The following EYS variants were observed in gnomAD, a reference collection of about 807,000 sequenced individuals.
EYS encodes protein eyes shut homolog.
Under a neutral mutation model 282.1 loss-of-function variants are expected in EYS, and 250 were observed. The observed-to-expected ratio is 0.89, with a 90% CI of 0.80 to 0.98. The LOEUF (loss-of-function observed/expected upper bound fraction) is 0.98. EYS is among the 50% of genes least tolerant of loss of function. The pLI, the probability that EYS is intolerant of heterozygous loss-of-function variation, is 0.00. For synonymous variants in EYS, 1,355 were observed against 1,282.9 expected, an observed-to-expected ratio of 1.06 and a Z score of -1.20; for missense variants, 4,016 against 3,709.0, an observed-to-expected ratio of 1.08 and a Z score of -2.15.
At chr6:63,821,909 C>G (rs1174729466) in intron 36 of EYS, 1 of 152,206 alleles carries the variant, frequency 6.6e-6, no homozygotes, top group East Asian at 1.9e-4. Flanking sequence ...TGACTGAATG[C>G]CAAACCCAGA....
At chr6:63,843,715 C>G (rs762560519) in intron 36 of EYS, among the ~76,000 whole-genome samples, 1 of 152,126 alleles carries the variant, frequency 6.6e-6, no homozygotes, top group Non-Finnish European at 1.5e-5. Flanking sequence ...CCTCTCTATT[C>G]CTATTCAACG....
intron 36 of EYS, chr6:63,821,427 CAA>C (rs1399246634): frequency 6.6e-6 from 1 of 152,136 alleles, no homozygotes; most frequent in Admixed American, 6.5e-5. Flanking sequence ...CACCTCAAAT[CAA>C]GAGGGAAGGG....
At chr6:65,355,007 C>T (rs1297488802) in intron 8 of EYS, among the ~76,000 whole-genome samples, 1 of 151,942 alleles carries the variant, frequency 6.6e-6, no homozygotes, top group African/African-American at 2.4e-5. Flanking sequence ...TGGCATTAAC[C>T]AATCTTCACT....
intron 14 of EYS, among the ~76,000 whole-genome samples, chr6:64,970,703 C>T (rs1770260600): frequency 6.6e-6 from 1 of 152,156 alleles, no homozygotes; most frequent in Non-Finnish European, 1.5e-5. Context: ...CCTTGAATAA[C>T]ACCACTGAAC....
At chr6:64,417,222 T>C (rs1481942282) in intron 28 of EYS, among the ~76,000 whole-genome samples, 2 of 152,224 alleles carry the variant, frequency 1.3e-5, no homozygotes, top group Non-Finnish European at 2.9e-5. Flanking sequence ...GAGCACTTTC[T>C]GTATGCAAGG....
intron 2 of EYS, among the ~76,000 whole-genome samples, chr6:65,620,510 G>C (rs1261769524): frequency 1.3e-5 from 2 of 151,418 alleles, no homozygotes. Flanking sequence ...CCAGCTCCTG[G>C]ATTCGTTAAT....
rs552034465 is a variant in EYS, at chr6:65,368,317, T to C, written c.1300-14700A>G. Reference sequence around the variant, plus strand: ...AATTTTTATTTTTGTCCTAGATCTATTAAGATACTGGTAAATTTCCTGTAC... The same window carrying C: ...AATTTTTATTTTTGTCCTAGATCTACTAAGATACTGGTAAATTTCCTGTAC... On this transcript the variant is annotated intron_variant, in intron 8 of 42. Coordinates refer to ENST00000503581, the MANE Select transcript of EYS (RefSeq NM_001142800.2). Among the ~76,000 whole-genome samples, 5 of 151,758 alleles carry C rather than the reference T, an allele frequency of 3.3e-5. No homozygotes were observed. In the South Asian group the frequency reaches 1.0e-3, roughly 31 times the overall value.
intron 2 of EYS, among the ~76,000 whole-genome samples, chr6:65,620,714 A>T (rs1040808331): frequency 6.6e-6 from 1 of 151,066 alleles, no homozygotes; most frequent in East Asian, 1.9e-4. Context: ...CCCTCTACAC[A>T]CTGCTTTGAA....
In EYS at chr6:65,095,387, G is replaced by A. The variant is rs536114080; in HGVS notation, c.2024-37660C>T. On this transcript the variant is annotated intron_variant, in intron 12 of 42. Coordinates refer to ENST00000503581, the MANE Select transcript of EYS (RefSeq NM_001142800.2). ...TCCATATATTGTATGATTGAAAGTTGCTAAGATAATTTAAATGTTGAAAGT... is the reference window on the plus strand; with the variant it reads ...TCCATATATTGTATGATTGAAAGTTACTAAGATAATTTAAATGTTGAAAGT... 8.0e-5 allele frequency among the ~76,000 whole-genome samples: 12 copies of A among 150,718 alleles called. No homozygotes were observed. In the South Asian group the frequency reaches 2.5e-3, roughly 31 times the overall value.
At chr6:65,042,244 T>C (rs1254513524) in intron 13 of EYS, among the ~76,000 whole-genome samples, 1 of 151,544 alleles carries the variant, frequency 6.6e-6, no homozygotes, top group African/African-American at 2.4e-5. Context: ...TATCTATGTC[T>C]TTATATTTAC....
intron 26 of EYS, among the ~76,000 whole-genome samples, chr6:64,564,082 A>C (rs1464834376): frequency 6.6e-6 from 1 of 151,782 alleles, no homozygotes; most frequent in Non-Finnish European, 1.5e-5. Context: ...TGTTTAACAC[A>C]CTGATTTCAT....
chr6:63,855,560 A>C (rs1392552898), intron 36 of EYS, among the ~76,000 whole-genome samples: 1 of 152,204 alleles, frequency 6.6e-6, no homozygotes, highest in Non-Finnish European at 1.5e-5. Context: ...AGGACTTTTA[A>C]ATTATTTTTA....
intron 2 of EYS, among the ~76,000 whole-genome samples, chr6:65,542,947 C>T (rs573156003): frequency 1.8e-3 from 279 of 152,254 alleles, no homozygotes; most frequent in Middle Eastern, 3.4e-3. Flanking sequence ...GAACTAATTG[C>T]ACAAACCACA....
intron 34 of EYS, among the ~76,000 whole-genome samples, chr6:63,996,062 A>G (rs914006745): frequency 6.6e-6 from 1 of 152,022 alleles, no homozygotes; most frequent in African/African-American, 2.4e-5. Flanking sequence ...TACCTGATAA[A>G]TATATACTAT....
chr6:64,637,725 C>T (rs992354441), intron 22 of EYS, among the ~76,000 whole-genome samples: 1 of 88,958 alleles, frequency 1.1e-5, no homozygotes, highest in African/African-American at 4.3e-5. Context: ...AGGCAAAATT[C>T]TCAATTATTA....
intron 24 of EYS, among the ~76,000 whole-genome samples, chr6:64,616,001 G>C (rs867555078): frequency 2.7e-4 from 41 of 151,914 alleles, no homozygotes; most frequent in Admixed American, 1.7e-3. Context: ...AATATTAATA[G>C]ATTCATATTT....
chr6:65,110,344 A>C (rs1467754748), intron 12 of EYS, among the ~76,000 whole-genome samples: 3 of 152,174 alleles, frequency 2.0e-5, no homozygotes, highest in South Asian at 4.1e-4. Context: ...TGTTCTTTGA[A>C]AGTAGTTTTG....
chr6:65,543,771 C>T (rs1768271878), intron 2 of EYS, among the ~76,000 whole-genome samples: 1 of 152,104 alleles, frequency 6.6e-6, no homozygotes, highest in African/African-American at 2.4e-5. Context: ...TTGTGAATCA[C>T]AATTTGTTAG....
intron 33 of EYS, among the ~76,000 whole-genome samples, chr6:64,020,039 G>A (rs1299840490): frequency 6.6e-6 from 1 of 151,868 alleles, no homozygotes; most frequent in African/African-American, 2.4e-5. Flanking sequence ...AAGAAACACT[G>A]ATAAAATCAA....
Sources: gnomAD v4.1 joint callset for allele counts (sites outside exome capture counted in the v4.1 genomes callset) on GRCh38, gnomAD v4.1.1 for gene constraint, MANE v1.5 for transcripts, NCBI Gene and HGNC (gene_info 2026-07-23, HGNC 2026-07-21) for gene names.